LRRC4C: variants seen among roughly 807,000 people sequenced by gnomAD.
The protein encoded by LRRC4C is leucine-rich repeat-containing protein 4C.
LRRC4C carries 5 observed loss-of-function variants against 33.6 expected under a neutral mutation model. The ratio of observed to expected loss-of-function variants is 0.15; its 90% confidence interval spans 0.08 to 0.31. The LOEUF is 0.31. Ranked by LOEUF, LRRC4C falls within the 10% of genes least tolerant of loss-of-function variation. The pLI is 1.00. For missense variants in LRRC4C, 560 were observed against 796.7 expected, an observed-to-expected ratio of 0.70 and a Z score of 3.58; for synonymous variants, 329 against 302.0, an observed-to-expected ratio of 1.09 and a Z score of -0.93.
chr11:41,397,196 C>G (rs1953852675), intron 1 of LRRC4C, among the ~76,000 whole-genome samples: 1 of 151,916 alleles, frequency 6.6e-6, no homozygotes, highest in Admixed American at 6.6e-5. Context: ...TTGAACTGTG[C>G]AGGTCCACTT....
At chr11:40,595,142 G>T (rs936251378) in intron 3 of LRRC4C, among the ~76,000 whole-genome samples, 10 of 151,580 alleles carry the variant, frequency 6.6e-5, no homozygotes, top group Non-Finnish European at 1.3e-4. Flanking sequence ...AGGATACATA[G>T]AACTTTATTT....
At chr11:40,588,268 G>A (rs1189433684) in intron 3 of LRRC4C, among the ~76,000 whole-genome samples, 1 of 151,430 alleles carries the variant, frequency 6.6e-6, no homozygotes, top group Admixed American at 6.6e-5. Flanking sequence ...TTGCGTAGAG[G>A]TGTTTGTAGT....
chr11:41,106,392 A>G (rs1276927184), intron 1 of LRRC4C, among the ~76,000 whole-genome samples: 4 of 152,006 alleles, frequency 2.6e-5, no homozygotes, highest in Non-Finnish European at 5.9e-5. Flanking sequence ...GCACTGTGCT[A>G]AGCATTTTAC....
chr11:40,426,598 C>T (rs1026512484), intron 3 of LRRC4C, among the ~76,000 whole-genome samples: 22 of 152,152 alleles, frequency 1.4e-4, no homozygotes, highest in Admixed American at 1.3e-4. Flanking sequence ...TTATCAGCCT[C>T]TGAGATACTA....
At position 40,157,283 on chromosome 11, in the gene LRRC4C, C is replaced by T. The variant is rs547932661; in HGVS notation, c.-95-16430G>A. On this transcript the variant is annotated intron_variant, in intron 5 of 6. Coordinates refer to ENST00000528697, the MANE Select transcript of LRRC4C (RefSeq NM_001258419.2). ...CACAAGTTGGATTAAAGACTTAAAC[C>T]TAAGACCTGAAACTATAAAAATTCT... is the stretch of plus-strand genomic sequence containing the variant. 2.1e-4 allele frequency among the ~76,000 whole-genome samples: 32 copies of T among 152,170 alleles called. No homozygotes were observed. In the South Asian group the frequency reaches 6.2e-3, roughly 30 times the overall value.
intron 1 of LRRC4C, among the ~76,000 whole-genome samples, chr11:40,990,626 C>G (rs1465349659): frequency 6.6e-6 from 1 of 152,048 alleles, no homozygotes; most frequent in Non-Finnish European, 1.5e-5. Flanking sequence ...ACATTCTTTG[C>G]CTTTTACATT....
chr11:40,167,648 G>T (rs1399387293), intron 5 of LRRC4C, among the ~76,000 whole-genome samples: 1 of 152,020 alleles, frequency 6.6e-6, no homozygotes, highest in Admixed American at 6.5e-5. Context: ...ATAAATACAG[G>T]GGTGAGCAAA....
At position 40,173,177 on chromosome 11, in the gene LRRC4C, G is replaced by A. The variant is rs536974349; in HGVS notation, c.-95-32324C>T. Among the ~76,000 whole-genome samples, 3 of 152,312 alleles carry A rather than the reference G, an allele frequency of 2.0e-5. No individual in the cohort carries two copies. The East Asian group carries it at 5.8e-4, about 29-fold the overall frequency. Reference sequence around the variant, plus strand: ...GAATTTGTACCCTCCAGAACTGTGAGGCAATACATTTTTGTTGTTTAAACT... The same window carrying A: ...GAATTTGTACCCTCCAGAACTGTGAAGCAATACATTTTTGTTGTTTAAACT... On this transcript the variant is annotated intron_variant, in intron 5 of 6. Coordinates refer to ENST00000528697, the MANE Select transcript of LRRC4C (RefSeq NM_001258419.2).
At chr11:40,815,498 T>C (rs1287784550) in intron 2 of LRRC4C, among the ~76,000 whole-genome samples, 2 of 152,200 alleles carry the variant, frequency 1.3e-5, no homozygotes, top group South Asian at 2.1e-4. Flanking sequence ...TTGAAGTCAG[T>C]AATTTTTTAC....
At chr11:41,005,720 G>A (rs1854704216) in intron 1 of LRRC4C, among the ~76,000 whole-genome samples, 1 of 152,146 alleles carries the variant, frequency 6.6e-6, no homozygotes, top group African/African-American at 2.4e-5. Context: ...ATTATTGCAA[G>A]TTTCCTGAGG....
chr11:40,439,537 C>G (rs1475176292), intron 3 of LRRC4C, among the ~76,000 whole-genome samples: 1 of 151,344 alleles, frequency 6.6e-6, no homozygotes, highest in Admixed American at 6.6e-5. Context: ...CACTGAAACC[C>G]CCACCTCCCA....
intron 1 of LRRC4C, among the ~76,000 whole-genome samples, chr11:41,094,789 C>A (rs754604554): frequency 1.3e-5 from 2 of 152,088 alleles, no homozygotes; most frequent in Non-Finnish European, 2.9e-5. Context: ...TGGTGACTAG[C>A]ACATAACAGA....
intron 1 of LRRC4C, among the ~76,000 whole-genome samples, chr11:41,214,813 GTA>G (rs898287572): frequency 6.9e-6 from 1 of 144,780 alleles, no homozygotes; most frequent in Non-Finnish European, 1.5e-5. Flanking sequence ...ATGTGTGTGT[GTA>G]TATATATATT....
intron 1 of LRRC4C, among the ~76,000 whole-genome samples, chr11:41,253,525 C>T (rs915893286): frequency 1.3e-5 from 2 of 152,024 alleles, no homozygotes; most frequent in African/African-American, 2.4e-5. Flanking sequence ...TTACAAGAAC[C>T]ACTGTGATAA....
At chr11:40,876,901 CAAAAAAAAAA>C (rs71060985) in intron 2 of LRRC4C, among the ~76,000 whole-genome samples, 1 of 98,838 alleles carries the variant, frequency 1.0e-5, no homozygotes, top group Non-Finnish European at 2.0e-5. Context: ...GGCTCTTTCT[CAAAAAAAAAA>C]AAAAAAAAAA....
chr11:40,698,899 C>T (rs1945716643), intron 2 of LRRC4C, among the ~76,000 whole-genome samples: 2 of 152,032 alleles, frequency 1.3e-5, no homozygotes, highest in African/African-American at 4.8e-5. Context: ...GGAAACCGCC[C>T]CTATGACTCA....
chr11:40,521,371 G>A (rs958728892), intron 3 of LRRC4C, among the ~76,000 whole-genome samples: 2 of 152,154 alleles, frequency 1.3e-5, no homozygotes, highest in Non-Finnish European at 2.9e-5. Context: ...CAGCTTGGAG[G>A]CTGGATTTAT....
chr11:41,211,952 G>A (rs1946841912), intron 1 of LRRC4C, among the ~76,000 whole-genome samples: 1 of 152,312 alleles, frequency 6.6e-6, no homozygotes, highest in African/African-American at 2.4e-5. Context: ...CACCAACAGT[G>A]TAAAAGTGTT....
intron 2 of LRRC4C, among the ~76,000 whole-genome samples, chr11:40,773,354 T>C (rs796549302): frequency 1.5e-4 from 23 of 152,060 alleles, no homozygotes; most frequent in African/African-American, 5.5e-4. Context: ...ACTAAAAGGG[T>C]ATAACAGAAA....
Sources: allele counts gnomAD v4.1 joint callset (sites outside exome capture counted in the v4.1 genomes callset), GRCh38; gene constraint gnomAD v4.1.1; transcripts MANE v1.5; gene names NCBI Gene and HGNC (gene_info 2026-07-23, HGNC 2026-07-21).